Variants in PDZD8 observed in about 807,000 individuals in gnomAD.
PDZD8 encodes the protein PDZ domain-containing protein 8.
In PDZD8, 14 loss-of-function variants were observed where a neutral mutation model predicts 85.8. The ratio of observed to expected loss-of-function variants is 0.16; its 90% CI spans 0.11 to 0.26. The LOEUF is 0.26. Ranked by LOEUF, PDZD8 falls within the 10% of genes least tolerant of loss-of-function variation. PDZD8 has a pLI of 1.00. For synonymous variants in PDZD8, 592 were observed against 568.6 expected, an observed-to-expected ratio of 1.04 and a Z score of -0.59; for missense variants, 1,197 against 1,424.3, an observed-to-expected ratio of 0.84 and a Z score of 2.57.
chr10:117,354,105 C>G (rs1359001134), intron 1 of PDZD8, among the ~76,000 whole-genome samples: 1 of 152,184 alleles, frequency 6.6e-6, no homozygotes. Flanking sequence ...TCCCCATTCC[C>G]TCCATTCATT....
intron 3 of PDZD8, among the ~76,000 whole-genome samples, chr10:117,318,124 T>C (rs1200353665): frequency 6.6e-6 from 1 of 152,230 alleles, no homozygotes; most frequent in Non-Finnish European, 1.5e-5. Context: ...TGTTATCCTG[T>C]AGTACTGGGT....
chr10:117,321,729 T>C (rs1844228476), intron 2 of PDZD8, among the ~76,000 whole-genome samples: 1 of 152,134 alleles, frequency 6.6e-6, no homozygotes, highest in Non-Finnish European at 1.5e-5. Flanking sequence ...AGGTTACATT[T>C]AAAGTTTCAA....
intron 1 of PDZD8, among the ~76,000 whole-genome samples, chr10:117,373,397 A>G (rs915320924): frequency 1.3e-5 from 2 of 152,076 alleles, no homozygotes; most frequent in Non-Finnish European, 2.9e-5. Context: ...AAATGGGCAA[A>G]TGACATTAAT....
At chr10:117,333,130 A>AACAAAAC in intron 2 of PDZD8, among the ~76,000 whole-genome samples, 1 of 149,136 alleles carries the variant, frequency 6.7e-6, no homozygotes, top group Admixed American at 6.7e-5. Context: ...AAAAAAAAAA[A>AACAAAAC]AAAAAAAAAA....
Position 117,280,560 on chromosome 10 carries a change from T to G in PDZD8, c.*2708A>C, listed in dbSNP as rs1844561943. 1 of 152,220 alleles carries G rather than the reference T, an allele frequency of 6.6e-6. No individual in the cohort carries two copies. Among genetic ancestry groups the G allele is most frequent in the African/African-American group, 2.4e-5 (1 of 41,460 alleles). The allele number at this position is 152,220 out of a possible 1,614,324, so 9.4% of individuals were successfully genotyped here. A position where few individuals can be genotyped will look rare whatever the true frequency, so the allele number is the denominator to read the frequency against. ...TACATAGCATGGCAGCAAGATTACATCAGTAATGTAATATAATACAGCTTT... is the reference window on the plus strand; with the variant it reads ...TACATAGCATGGCAGCAAGATTACAGCAGTAATGTAATATAATACAGCTTT... On this transcript the variant is annotated 3_prime_UTR_variant, in exon 5 of 5. Coordinates refer to ENST00000334464, the MANE Select transcript of PDZD8 (RefSeq NM_173791.5).
chr10:117,308,366 GA>G (rs1843979620), intron 3 of PDZD8, among the ~76,000 whole-genome samples: 1 of 151,972 alleles, frequency 6.6e-6, no homozygotes, highest in East Asian at 1.9e-4. Context: ...ACTTGTACAA[GA>G]AAAAATAAAC....
chr10:117,342,989 T>A (rs1282449288), intron 1 of PDZD8, among the ~76,000 whole-genome samples: 2 of 152,170 alleles, frequency 1.3e-5, no homozygotes, highest in African/African-American at 4.8e-5. Flanking sequence ...TTCACTCTTC[T>A]CTATCTTGCA....
At chr10:117,334,473 C>A (rs1844481763) in intron 2 of PDZD8, among the ~76,000 whole-genome samples, 1 of 152,078 alleles carries the variant, frequency 6.6e-6, no homozygotes, top group East Asian at 1.9e-4. Context: ...CATGTAACTG[C>A]ACTCCAGCTT....
At chr10:117,343,821 T>C (rs1027582313) in intron 1 of PDZD8, among the ~76,000 whole-genome samples, 1 of 152,228 alleles carries the variant, frequency 6.6e-6, no homozygotes, top group Non-Finnish European at 1.5e-5. Flanking sequence ...GGATAAAGCA[T>C]GAACATGTTC....
intron 1 of PDZD8, among the ~76,000 whole-genome samples, chr10:117,363,419 A>G (rs1009909619): frequency 6.6e-6 from 1 of 152,150 alleles, no homozygotes; most frequent in African/African-American, 2.4e-5. Flanking sequence ...GTAGCCAGCT[A>G]CTAAATAGAA....
At chr10:117,338,678 T>C (rs1426977466) in intron 2 of PDZD8, among the ~76,000 whole-genome samples, 1 of 152,222 alleles carries the variant, frequency 6.6e-6, no homozygotes, top group East Asian at 1.9e-4. Context: ...CACAGTTCCT[T>C]ATTAAAATAA....
rs762782052 is a variant in PDZD8 at position 117,374,341 on chromosome 10, C to G, written c.872+15G>C. On this transcript the variant is annotated intron_variant, in intron 1 of 4. Transcript: ENST00000334464. This position sits in a 1 kb window ranked among gnomAD's most constrained non-coding sequence, Gnocchi z 7.8. ...GTTCCCGGCAGCCAGGCCCCCTCCC[C>G]GACCTCCAGCTCACCTGATCTTGTA... 1 of 1,608,776 alleles carries G rather than the reference C, an allele frequency of 6.2e-7. No homozygotes were observed. Among genetic ancestry groups the G allele is most frequent in the South Asian group, 1.1e-5 (1 of 90,764 alleles).
chr10:117,367,910 A>G (rs79752083), intron 1 of PDZD8, among the ~76,000 whole-genome samples: 9 of 140,538 alleles, frequency 6.4e-5, no homozygotes, highest in Admixed American at 2.1e-4. Context: ...ACGAGAGAGG[A>G]AAAAAAAAAA....
At chr10:117,360,102 A>C (rs1228530453) in intron 1 of PDZD8, among the ~76,000 whole-genome samples, 1 of 152,188 alleles carries the variant, frequency 6.6e-6, no homozygotes, top group Non-Finnish European at 1.5e-5. Flanking sequence ...AATGCCTCAC[A>C]ATTTTCTAAA....
Position 117,283,103 on chromosome 10 carries a change from G to A in PDZD8, c.*165C>T, listed in dbSNP as rs1844594558. 1 of 638,254 alleles carries A rather than the reference G, an allele frequency of 1.6e-6. No homozygotes were observed. The highest frequency in any genetic ancestry group is 2.5e-6 in the Non-Finnish European group (1 of 396,504). 39.5% of individuals were successfully genotyped at this position (638,254 alleles called of 1,614,324 possible). A position where few individuals can be genotyped will look rare whatever the true frequency, so the allele number is the denominator to read the frequency against. ...TCCAAAACAACCAATTAGTAAGCTG[G>A]TCATGTTTTTACTGGAAAACAACCT... is the stretch of plus-strand genomic sequence containing the variant. On this transcript the variant is annotated 3_prime_UTR_variant, in exon 5 of 5. Transcript: ENST00000334464.
intron 3 of PDZD8, among the ~76,000 whole-genome samples, chr10:117,295,921 A>T (rs1160033510): frequency 6.6e-6 from 1 of 152,152 alleles, no homozygotes; most frequent in Non-Finnish European, 1.5e-5. Flanking sequence ...AACTCAGATC[A>T]GTAACAAGGC....
chr10:117,324,553 G>A (rs1844283022), intron 2 of PDZD8, among the ~76,000 whole-genome samples: 1 of 152,132 alleles, frequency 6.6e-6, no homozygotes, highest in Admixed American at 6.6e-5. Context: ...GTCAGTTACA[G>A]TCCAAAATTG....
intron 2 of PDZD8, among the ~76,000 whole-genome samples, chr10:117,323,293 T>G (rs761208877): frequency 1.3e-5 from 2 of 152,154 alleles, no homozygotes; most frequent in Non-Finnish European, 2.9e-5. Flanking sequence ...TGCAAAAAGC[T>G]AATGAAAAGC....
chr10:117,318,024 CATAA>C (rs1178444242), intron 3 of PDZD8, among the ~76,000 whole-genome samples: 2 of 152,072 alleles, frequency 1.3e-5, no homozygotes, highest in Non-Finnish European at 2.9e-5. Flanking sequence ...ACAGTTAATA[CATAA>C]ATAAATCAGA....
Sources: gnomAD v4.1 joint callset for allele counts (sites outside exome capture counted in the v4.1 genomes callset) on GRCh38, gnomAD v4.1.1 for gene constraint, Gnocchi (gnomAD v3.1) non-coding constraint, MANE v1.5 for transcripts, NCBI Gene and HGNC (gene_info 2026-07-23, HGNC 2026-07-21) for gene names.